The following PRKCA variants were observed in gnomAD, a reference collection of about 807,000 sequenced individuals.
The protein encoded by PRKCA is protein kinase C alpha type.
Under a neutral mutation model 87.0 loss-of-function variants are expected in PRKCA, and 27 were observed. The ratio of observed to expected loss-of-function variants is 0.31; its 90% confidence interval spans 0.23 to 0.43. The LOEUF is 0.43. PRKCA is among the 20% of genes least tolerant of loss of function. PRKCA has a pLI of 1.00. For missense variants in PRKCA, 518 were observed against 852.3 expected, an observed-to-expected ratio of 0.61 and a Z score of 4.88; for synonymous variants, 329 against 311.1, an observed-to-expected ratio of 1.06 and a Z score of -0.61.
chr17:66,722,971 A>G (rs546523493), intron 8 of PRKCA, among the ~76,000 whole-genome samples: 74 of 152,356 alleles, frequency 4.9e-4, no homozygotes, highest in African/African-American at 1.3e-3. Flanking sequence ...TTCCTACTGC[A>G]GTCTTAACCC....
At chr17:66,622,862 C>G (rs1407829412) in intron 3 of PRKCA, among the ~76,000 whole-genome samples, 1 of 152,184 alleles carries the variant, frequency 6.6e-6, no homozygotes, top group Non-Finnish European at 1.5e-5. Flanking sequence ...ACGGGGGAAC[C>G]GCCCCCATGA....
intron 3 of PRKCA, among the ~76,000 whole-genome samples, chr17:66,512,702 AC>A (rs144736504): frequency 6.6e-6 from 1 of 151,436 alleles, no homozygotes; most frequent in Admixed American, 6.6e-5. Context: ...TTTAGATCAT[AC>A]CCCCCTTGTT....
intron 2 of PRKCA, among the ~76,000 whole-genome samples, chr17:66,314,903 A>G (rs375294405): frequency 4.0e-4 from 40 of 101,108 alleles, no homozygotes; most frequent in East Asian, 3.0e-3. Flanking sequence ...GTGTGTGTGT[A>G]TGTATGTATG....
chr17:66,672,701 TG>T (rs1972223469), intron 5 of PRKCA, among the ~76,000 whole-genome samples: 1 of 152,224 alleles, frequency 6.6e-6, no homozygotes, highest in Non-Finnish European at 1.5e-5. Flanking sequence ...TGATAAACTT[TG>T]TAGATGCCCC....
At chr17:66,726,245 C>T (rs562257226) in intron 8 of PRKCA, among the ~76,000 whole-genome samples, 9 of 151,422 alleles carry the variant, frequency 5.9e-5, no homozygotes, top group Non-Finnish European at 1.0e-4. Context: ...CGCAGGTGTT[C>T]GCAGGTGTGC....
chr17:66,766,304 C>A (rs1408349906), intron 13 of PRKCA, among the ~76,000 whole-genome samples: 2 of 152,122 alleles, frequency 1.3e-5, no homozygotes, highest in African/African-American at 4.8e-5. Flanking sequence ...AATCAGGTGG[C>A]CATGGCCTTT....
At chr17:66,545,283 G>A (rs1347970662) in intron 3 of PRKCA, among the ~76,000 whole-genome samples, 1 of 152,124 alleles carries the variant, frequency 6.6e-6, no homozygotes, top group Admixed American at 6.5e-5. Context: ...CAAAAAATTA[G>A]CCAGGCGTGG....
At chr17:66,438,438 CT>C (rs1237407645) in intron 2 of PRKCA, among the ~76,000 whole-genome samples, 2 of 152,094 alleles carry the variant, frequency 1.3e-5, no homozygotes, top group Non-Finnish European at 2.9e-5. Context: ...CCCAACTGGG[CT>C]TTTTCCTGGC....
At position 66,742,072 on chromosome 17, in the gene PRKCA, G is replaced by A. The variant is rs146693073; in HGVS notation, c.1385+351G>A. The stretch of plus-strand genomic sequence containing the variant: ...AGCAGAAGAAGAACACAGGGAACTG[G>A]GGAGAGGCAAGGAAAAAAATCTATT... On this transcript the variant is annotated intron_variant, in intron 12 of 16. Transcript: ENST00000413366. Among the ~76,000 whole-genome samples, 461 of 152,324 alleles carry A rather than the reference G, an allele frequency of 3.0e-3. 3 individuals carry two copies. The highest frequency in any genetic ancestry group is 0.01 in the African/African-American group (424 of 41,566).
intron 3 of PRKCA, among the ~76,000 whole-genome samples, chr17:66,617,328 G>C (rs1970545845): frequency 6.6e-6 from 1 of 152,090 alleles, no homozygotes; most frequent in Non-Finnish European, 1.5e-5. Context: ...TGGCTGGTTT[G>C]AAGCCTCACT....
chr17:66,613,428 C>A (rs1459878353), intron 3 of PRKCA, among the ~76,000 whole-genome samples: 1 of 152,228 alleles, frequency 6.6e-6, no homozygotes, highest in Non-Finnish European at 1.5e-5. Context: ...CCAGACTCCA[C>A]TAGTTTCCTA....
chr17:66,720,670 A>G (rs1356902263), intron 8 of PRKCA, among the ~76,000 whole-genome samples: 1 of 152,220 alleles, frequency 6.6e-6, no homozygotes, highest in African/African-American at 2.4e-5. Context: ...ATAGCAATGA[A>G]TCACCATCAG....
chr17:66,310,050 A>G (rs1905016702), intron 2 of PRKCA, among the ~76,000 whole-genome samples: 1 of 151,922 alleles, frequency 6.6e-6, no homozygotes, highest in African/African-American at 2.4e-5. Context: ...GAAAGAGCCA[A>G]CTCGATTTTT....
intron 2 of PRKCA, among the ~76,000 whole-genome samples, chr17:66,338,252 T>G (rs571143217): frequency 6.6e-6 from 1 of 152,126 alleles, no homozygotes; most frequent in Non-Finnish European, 1.5e-5. Context: ...TTGGTTTTCT[T>G]TGGTCACTGA....
chr17:66,446,202 G>C (rs1914025379), intron 2 of PRKCA, among the ~76,000 whole-genome samples: 1 of 151,660 alleles, frequency 6.6e-6, no homozygotes, highest in Admixed American at 6.6e-5. Flanking sequence ...GGAAGGTGCT[G>C]TTTTCTAGTT....
At chr17:66,763,241 G>T (rs762593244) in intron 13 of PRKCA, among the ~76,000 whole-genome samples, 5 of 152,184 alleles carry the variant, frequency 3.3e-5, no homozygotes, top group Non-Finnish European at 7.3e-5. Flanking sequence ...TGTCTGCCCC[G>T]TGCCTGAGGT....
At chr17:66,502,664 C>CT (rs982837325) in intron 3 of PRKCA, among the ~76,000 whole-genome samples, 14 of 147,422 alleles carry the variant, frequency 9.5e-5, no homozygotes, top group African/African-American at 2.0e-4. Context: ...CTGCAGCTTT[C>CT]TTTTTTTTTG....
At chr17:66,503,414 A>G (rs564592132) in intron 3 of PRKCA, among the ~76,000 whole-genome samples, 68 of 152,262 alleles carry the variant, frequency 4.5e-4, no homozygotes, top group Middle Eastern at 3.4e-3. Context: ...GAATGTTTGG[A>G]AGGGGACCAA....
chr17:66,428,622 G>A (rs1374038091), intron 2 of PRKCA, among the ~76,000 whole-genome samples: 1 of 151,582 alleles, frequency 6.6e-6, no homozygotes, highest in Non-Finnish European at 1.5e-5. Flanking sequence ...TCCTGCTTCA[G>A]CCTCCCGAGA....
Sources: gnomAD v4.1 joint callset for allele counts (sites outside exome capture counted in the v4.1 genomes callset) on GRCh38, gnomAD v4.1.1 for gene constraint, MANE v1.5 for transcripts, NCBI Gene and HGNC (gene_info 2026-07-23, HGNC 2026-07-21) for gene names.